The following OAS3 variants were observed in gnomAD, a reference collection of about 807,000 sequenced individuals.
OAS3 encodes the protein 2'-5'-oligoadenylate synthetase 3.
In OAS3, 107 loss-of-function variants were observed where a neutral mutation model predicts 113.0. The ratio of observed to expected loss-of-function variants is 0.95; its 90% CI spans 0.81 to 1.11. OAS3 has a LOEUF of 1.11. Among genes scored for constraint, OAS3 ranks in the 50% most tolerant of loss-of-function variants. The probability of loss-of-function intolerance (pLI) is 0.00; values close to 1 mark genes in which losing one functional copy is unlikely to be tolerated. For missense variants in OAS3, 1,258 were observed against 1,389.1 expected, an observed-to-expected ratio of 0.91 and a Z score of 1.50; for synonymous variants, 552 against 573.6, an observed-to-expected ratio of 0.96 and a Z score of 0.54.
rs901669229 is a variant in OAS3, at chr12:112,963,579, C to T, written c.2229+122C>T. 8.3e-6 allele frequency: 8 copies of T among 965,222 alleles called. No individual in the cohort carries two copies. The highest frequency in any genetic ancestry group is 3.6e-5 in the Admixed American group (1 of 27,584). The allele number at this position is 965,222 out of a possible 1,614,324, so 59.8% of individuals were successfully genotyped here. Reference sequence around the variant, plus strand: ...GTGTTGGTGGCTGACAACTCATAGCCACCCCTTCTCTGGAGACTTGCCTTT... The same window carrying T: ...GTGTTGGTGGCTGACAACTCATAGCTACCCCTTCTCTGGAGACTTGCCTTT... On this transcript the variant is annotated intron_variant, in intron 10 of 15. Coordinates refer to ENST00000228928, the MANE Select transcript of OAS3 (RefSeq NM_006187.4). This position sits in a 1 kb window ranked among gnomAD's most constrained non-coding sequence, Gnocchi z 4.6.
Position 112,972,108 on chromosome 12 carries a change from T to C in OAS3, c.*2135T>C, listed in dbSNP as rs2043989552. 1 of 152,280 alleles carries C rather than the reference T, an allele frequency of 6.6e-6. No homozygotes were observed. Among genetic ancestry groups the C allele is most frequent in the South Asian group, 2.1e-4 (1 of 4,834 alleles). 9.4% of individuals were successfully genotyped at this position (152,280 alleles called of 1,614,324 possible). ...GGGCATCACAAGCCAGTGATGCTCCTGGGAAGACCAGGTGGCAGGTCGCAG... is the reference window on the plus strand; with the variant it reads ...GGGCATCACAAGCCAGTGATGCTCCCGGGAAGACCAGGTGGCAGGTCGCAG... On this transcript the variant is annotated 3_prime_UTR_variant, in exon 16 of 16. Coordinates refer to ENST00000228928, the MANE Select transcript of OAS3 (RefSeq NM_006187.4).
chr12:112,938,666 C>A lies in OAS3; in HGVS notation c.136C>A (p.Arg46Ser), dbSNP rs753889769. The A allele has an allele frequency of 8.8e-6, 14 of 1,588,932 alleles. 1 individual carries two copies. In the South Asian group the frequency reaches 1.6e-4, roughly 18 times the overall value. Reference protein sequence around the residue: ...LAAALRERGGRLGAAAPRVLK... With the variant: ...LAAALRERGGSLGAAAPRVLK... ...CGCTGCCCTGAGGGAGCGCGGGGGC[C>A]GCCTCGGTGCTGCTGCCCCGCGGGT... Residue 46 changes from arginine (R) to serine (S), a missense_variant, in exon 1 of 16, where the codon CGC becomes AGC. Coordinates refer to ENST00000228928, the MANE Select transcript of OAS3 (RefSeq NM_006187.4).
chr12:112,950,034 A>G (rs2043774584), intron 6 of OAS3, among the ~76,000 whole-genome samples: 1 of 152,192 alleles, frequency 6.6e-6, no homozygotes, highest in Non-Finnish European at 1.5e-5. Context: ...ATAAAAATAA[A>G]TAAAAATAAA....
chr12:112,966,602 T>G (rs2043936321), intron 12 of OAS3, among the ~76,000 whole-genome samples: 1 of 152,210 alleles, frequency 6.6e-6, no homozygotes, highest in Non-Finnish European at 1.5e-5. Context: ...TTTATTTGGT[T>G]TCTGAGTTTG....
chr12:112,968,148 C>G lies in OAS3; in HGVS notation c.3078C>G (p.Phe1026Leu), dbSNP rs759217984. The G allele has an allele frequency of 6.2e-7, 1 of 1,613,480 alleles. No individual in the cohort carries two copies. Among genetic ancestry groups the G allele is most frequent in the Non-Finnish European group, 8.5e-7 (1 of 1,179,580 alleles). ...CCAAGGACAAGACTGTTGGAGACTT[C>G]CTGAAACAGCAGCTTCAGAAGCCCA... ...YNAKDKTVGD[F>L]LKQQLQKPRP... The change falls in exon 14 of 16, where the codon TTC becomes TTG. Residue 1026 changes from phenylalanine (F) to leucine (L), a missense_variant. By Grantham distance (22) the Phe-to-Leu change is conservative (BLOSUM62 0). Coordinates refer to ENST00000228928, the MANE Select transcript of OAS3 (RefSeq NM_006187.4).
chr12:112,938,765 A>T, intron 1 of OAS3, 58 bp downstream of exon 1: 1 of 1,347,318 alleles, frequency 7.4e-7, no homozygotes, highest in Non-Finnish European at 9.8e-7. Flanking sequence ...GAGGACGCTT[A>T]AGCCTCACAT....
rs1026095831 is a variant in OAS3 at position 112,969,615 on chromosome 12, A to G, written c.3112A>G (p.Ile1038Val). Residue 1038 changes from isoleucine (I) to valine (V), a missense_variant, in exon 15 of 16, where the codon ATC becomes GTC. Coordinates refer to ENST00000228928, the MANE Select transcript of OAS3 (RefSeq NM_006187.4). ...KQQLQKPRPI[I>V]LDPADPTGNL... Reference sequence around the variant, plus strand: ...CCTGGGTGGGAATTGCAGGCCTATCATCCTGGATCCGGCTGACCCGACAGG... The same window carrying G: ...CCTGGGTGGGAATTGCAGGCCTATCGTCCTGGATCCGGCTGACCCGACAGG... 1 of 1,598,702 alleles carries G rather than the reference A, an allele frequency of 6.3e-7. No homozygotes were observed. Among genetic ancestry groups the G allele is most frequent in the Non-Finnish European group, 8.5e-7 (1 of 1,172,258 alleles).
chr12:112,945,558 AGCCTAT>A (rs1445827298), intron 3 of OAS3, among the ~76,000 whole-genome samples: 1 of 152,124 alleles, frequency 6.6e-6, no homozygotes, highest in Non-Finnish European at 1.5e-5. Flanking sequence ...AAGTGTGCCC[AGCCTAT>A]GCCTGGAGAT....
Position 112,939,644 on chromosome 12 carries a change from C to T in OAS3, c.177+937C>T, listed in dbSNP as rs569671318. Among the ~76,000 whole-genome samples, 4 of 152,078 alleles carry T rather than the reference C, an allele frequency of 2.6e-5. No homozygotes were observed. In the South Asian group the frequency reaches 6.2e-4, roughly 24 times the overall value. On this transcript the variant is annotated intron_variant, in intron 1 of 15. Transcript: ENST00000228928. ...GTAATTTTTGCATTTTTTGTAGAGACGGGATTTCACCATGTTGCCCAGGCT... is the reference window on the plus strand; with the variant it reads ...GTAATTTTTGCATTTTTTGTAGAGATGGGATTTCACCATGTTGCCCAGGCT...
chr12:112,938,842 A>C, intron 1 of OAS3, 135 bp downstream of exon 1: 2 of 742,356 alleles, frequency 2.7e-6, no homozygotes, highest in Middle Eastern at 3.9e-4. Context: ...AATACTTCCA[A>C]TGTGCCAGCC....
rs2043971918 is a variant in OAS3 at position 112,970,122 on chromosome 12, G to A, written c.*149G>A. On this transcript the variant is annotated 3_prime_UTR_variant, in exon 16 of 16. Transcript: ENST00000228928. ...TGCATGTGTGTGCACACGTGTGCATGTGTGTGTTTTAGTGAATCTGCTCTC... is the reference window on the plus strand; with the variant it reads ...TGCATGTGTGTGCACACGTGTGCATATGTGTGTTTTAGTGAATCTGCTCTC... The A allele has an allele frequency of 2.4e-5, 22 of 918,826 alleles. No homozygotes were observed. In the South Asian group the frequency reaches 3.1e-4, roughly 13 times the overall value. The allele number at this position is 918,826 out of a possible 1,614,324, so 56.9% of individuals were successfully genotyped here.
At position 112,972,688 on chromosome 12, in the gene OAS3, C is replaced by G. The variant is rs1170552338; in HGVS notation, c.*2715C>G. On this transcript the variant is annotated 3_prime_UTR_variant, in exon 16 of 16. Transcript: ENST00000228928. Reference sequence around the variant, plus strand: ...AATAGACCAATGCAGTTAGGTGGCTCTTTCCAAGACTCTGGGGAAAAAAGT... The same window carrying G: ...AATAGACCAATGCAGTTAGGTGGCTGTTTCCAAGACTCTGGGGAAAAAAGT... The G allele has an allele frequency of 6.6e-6, 1 of 152,188 alleles. No homozygotes were observed. Among genetic ancestry groups the G allele is most frequent in the Admixed American group, 6.5e-5 (1 of 15,278 alleles). The allele number at this position is 152,188 out of a possible 1,614,324, so 9.4% of individuals were successfully genotyped here. A position where few individuals can be genotyped will look rare whatever the true frequency, so the allele number is the denominator to read the frequency against.
At position 112,954,081 on chromosome 12, in the gene OAS3, T is replaced by C. The variant is rs2043813303; in HGVS notation, c.1657+3106T>C. Among the ~76,000 whole-genome samples the C allele has an allele frequency of 6.6e-6, 1 of 152,216 alleles. No individual in the cohort carries two copies. Among genetic ancestry groups the C allele is most frequent in the Non-Finnish European group, 1.5e-5 (1 of 68,040 alleles). On this transcript the variant is annotated intron_variant, in intron 7 of 15. Transcript: ENST00000228928. This position sits in a 1 kb window ranked among gnomAD's most constrained non-coding sequence, Gnocchi z 4.0. The stretch of plus-strand genomic sequence containing the variant: ...TCCTTGCCCATGCCTATGTCCTGAA[T>C]GGTATTGCCTAGGTTTTCTTCTAGG...
chr12:112,958,550 T>C (rs912025604), intron 7 of OAS3, among the ~76,000 whole-genome samples: 9 of 152,262 alleles, frequency 5.9e-5, no homozygotes, highest in Non-Finnish European at 2.9e-5. Context: ...TGTTTGTTAG[T>C]TTTCCTTCTA....
chr12:112,962,043 C>T (rs2043891486), intron 8 of OAS3, among the ~76,000 whole-genome samples: 1 of 152,198 alleles, frequency 6.6e-6, no homozygotes, highest in Non-Finnish European at 1.5e-5. Flanking sequence ...GTAATCCACC[C>T]ACCTTGGCCT....
At chr12:112,960,334 C>A (rs2107418) in intron 7 of OAS3, among the ~76,000 whole-genome samples, 89,679 of 151,746 alleles carry the variant, frequency 0.59, 27,198 homozygotes, top group East Asian at 0.9. Context: ...AGGGGATTTT[C>A]TTTTTTCCCC....
chr12:112,968,576 C>T (rs994190510), intron 14 of OAS3, among the ~76,000 whole-genome samples: 10 of 152,254 alleles, frequency 6.6e-5, no homozygotes, highest in Non-Finnish European at 8.8e-5. Context: ...TGCAATGGCG[C>T]GATCTTGGCT....
At chr12:112,969,499 T>C in intron 14 of OAS3, 109 bp from the exon 15 acceptor site, 1 of 1,331,344 alleles carries the variant, frequency 7.5e-7, no homozygotes, top group Non-Finnish European at 1.0e-6. Flanking sequence ...GAGCCCTGGC[T>C]CTAGCCCCTG....
chr12:112,938,763 T>G, intron 1 of OAS3, 56 bp downstream of exon 1: 1 of 1,353,574 alleles, frequency 7.4e-7, no homozygotes, highest in East Asian at 2.8e-5. Flanking sequence ...GGGAGGACGC[T>G]TAAGCCTCAC....
Sources: allele counts gnomAD v4.1 joint callset (sites outside exome capture counted in the v4.1 genomes callset), GRCh38; gene constraint gnomAD v4.1.1; non-coding constraint Gnocchi (gnomAD v3.1); transcripts MANE v1.5; gene names NCBI Gene and HGNC (gene_info 2026-07-23, HGNC 2026-07-21).